ASH1L: variants seen among roughly 807,000 people sequenced by gnomAD.
ASH1L encodes ASH1 like histone lysine methyltransferase.
Under a neutral mutation model 269.0 loss-of-function variants are expected in ASH1L, and 23 were observed. The ratio of observed to expected loss-of-function variants is 0.09; its 90% CI spans 0.06 to 0.12. The LOEUF (loss-of-function observed/expected upper bound fraction) is 0.12. Among genes scored for constraint, ASH1L ranks in the 10% least tolerant of loss-of-function variants. The pLI is 1.00. For synonymous variants in ASH1L, 1,187 were observed against 1,253.5 expected (o/e 0.95, Z 1.12); for missense variants, 2,912 against 3,567.8 (o/e 0.82, Z 4.68).
intron 1 of ASH1L, among the ~76,000 whole-genome samples, chr1:155,537,309 T>C (rs1670125658): frequency 6.6e-6 from 1 of 152,202 alleles, no homozygotes; most frequent in African/African-American, 2.4e-5. Context: ...GAAGAGTATT[T>C]GGGTATCCTG....
intron 4 of ASH1L, among the ~76,000 whole-genome samples, chr1:155,456,742 A>G (rs1055567267): frequency 6.6e-6 from 1 of 152,232 alleles, no homozygotes; most frequent in African/African-American, 2.4e-5. Flanking sequence ...CAAATTTAAT[A>G]TATCCAAATC....
At chr1:155,433,936 C>A in intron 5 of ASH1L, 1 of 1,582,806 alleles carries the variant, frequency 6.3e-7, no homozygotes, top group African/African-American at 1.3e-5. Flanking sequence ...TCCTGCAGTG[C>A]CCGAAACCCA....
intron 3 of ASH1L, among the ~76,000 whole-genome samples, chr1:155,464,109 A>G (rs899986088): frequency 1.3e-5 from 2 of 152,148 alleles, no homozygotes; most frequent in African/African-American, 4.8e-5. Context: ...TGCTTCCCCT[A>G]CTTAGCCCTT....
chr1:155,371,150 T>G (rs181924495), intron 10 of ASH1L, among the ~76,000 whole-genome samples, 167 bp from the exon 11 acceptor site: 3 of 152,358 alleles, frequency 2.0e-5, no homozygotes, highest in Admixed American at 2.0e-4. Context: ...AAATTAATAA[T>G]ATTCAGAATT....
At chr1:155,541,598 T>C (rs1472765051) in intron 1 of ASH1L, among the ~76,000 whole-genome samples, 2 of 152,150 alleles carry the variant, frequency 1.3e-5, no homozygotes, top group African/African-American at 4.8e-5. Context: ...TACTCAACTA[T>C]AGAACCCTTC....
At chr1:155,374,887 C>T (rs1320245733) in intron 10 of ASH1L, among the ~76,000 whole-genome samples, 3 of 152,168 alleles carry the variant, frequency 2.0e-5, no homozygotes, top group Non-Finnish European at 2.9e-5. Context: ...GTGATCACAG[C>T]TTACTGTAGC....
chr1:155,434,404 G>A, intron 5 of ASH1L: 3 of 1,140,268 alleles, frequency 2.6e-6, no homozygotes, highest in Non-Finnish European at 3.7e-6. Flanking sequence ...GGGGGCAGGG[G>A]AGTTTGGGGC....
rs938723450 is a variant in ASH1L at position 155,347,588 on chromosome 1, G to T, written c.7803+68C>A. On this transcript the variant is annotated intron_variant, in intron 20 of 27. Coordinates refer to ENST00000392403, the MANE Select transcript of ASH1L (RefSeq NM_018489.3). ...TCAAGCCAATCCAAAAGAGGCATGG[G>T]CTTCTTCTTTGAATATGGTCACCGT... 9 of 1,591,500 alleles carry T rather than the reference G, an allele frequency of 5.7e-6. No individual in the cohort carries two copies. The African/African-American group carries it at 1.2e-4, about 21-fold the overall frequency.
At chr1:155,545,534 G>A (rs1330698402) in intron 1 of ASH1L, among the ~76,000 whole-genome samples, 2 of 150,806 alleles carry the variant, frequency 1.3e-5, no homozygotes, top group African/African-American at 4.9e-5. Context: ...TTTGGAAAGA[G>A]TAGGACAAAA....
At chr1:155,458,582 T>C (rs1422839510) in intron 4 of ASH1L, among the ~76,000 whole-genome samples, 2 of 152,184 alleles carry the variant, frequency 1.3e-5, no homozygotes, top group Admixed American at 1.3e-4. Context: ...CCGGGTATCA[T>C]GGTGGGCACC....
chr1:155,557,274 T>A (rs780702409), intron 1 of ASH1L, among the ~76,000 whole-genome samples: 61 of 152,092 alleles, frequency 4.0e-4, no homozygotes, highest in Admixed American at 1.7e-3. Context: ...TTATTTATTT[T>A]TTTTTTGAGA....
At chr1:155,425,017 T>C (rs1423980552) in intron 5 of ASH1L, among the ~76,000 whole-genome samples, 3 of 152,044 alleles carry the variant, frequency 2.0e-5, no homozygotes, top group Non-Finnish European at 4.4e-5. Context: ...GTGGCCAGGC[T>C]GGAGTGCATT....
intron 1 of ASH1L, among the ~76,000 whole-genome samples, chr1:155,527,711 A>T (rs560015771): frequency 6.6e-6 from 1 of 151,418 alleles, no homozygotes; most frequent in African/African-American, 2.4e-5. Flanking sequence ...ACCATGTCCA[A>T]TTTTTTTTCA....
intron 2 of ASH1L, among the ~76,000 whole-genome samples, chr1:155,495,889 T>G (rs1667118492): frequency 6.6e-6 from 1 of 151,944 alleles, no homozygotes; most frequent in Non-Finnish European, 1.5e-5. Flanking sequence ...TCTCAGCTAC[T>G]CGGGAGGCTG....
intron 2 of ASH1L, among the ~76,000 whole-genome samples, chr1:155,489,757 C>CA (rs1282005747): frequency 6.4e-5 from 9 of 140,932 alleles, no homozygotes; most frequent in South Asian, 4.5e-4. Context: ...GACACTGTCT[C>CA]AAAAAAAATA....
intron 5 of ASH1L, chr1:155,433,618 C>G: frequency 1.2e-6 from 2 of 1,608,884 alleles, no homozygotes; most frequent in Non-Finnish European, 8.5e-7. Flanking sequence ...AGAAAGAACT[C>G]GAACAATTTG....
intron 2 of ASH1L, among the ~76,000 whole-genome samples, chr1:155,502,106 T>C (rs2148796687): frequency 6.9e-6 from 1 of 145,402 alleles, no homozygotes; most frequent in African/African-American, 2.6e-5. Context: ...AGTCTCACAC[T>C]GTCATCCGGG....
intron 5 of ASH1L, among the ~76,000 whole-genome samples, chr1:155,427,759 C>T (rs980870933): frequency 2.0e-5 from 3 of 152,096 alleles, no homozygotes; most frequent in Non-Finnish European, 2.9e-5. Context: ...TTTGGATGTG[C>T]GCCCTGCCCA....
intron 10 of ASH1L, among the ~76,000 whole-genome samples, chr1:155,373,525 G>A (rs1002181835): frequency 1.3e-5 from 2 of 152,060 alleles, no homozygotes; most frequent in Admixed American, 6.6e-5. Flanking sequence ...AAATTCCTGG[G>A]GGTCATGGGA....
Sources: gnomAD v4.1 joint callset for allele counts (sites outside exome capture counted in the v4.1 genomes callset) on GRCh38, gnomAD v4.1.1 for gene constraint, MANE v1.5 for transcripts, NCBI Gene and HGNC (gene_info 2026-07-23, HGNC 2026-07-21) for gene names.